DAB1: variants seen among roughly 807,000 people sequenced by gnomAD.
DAB1 encodes disabled homolog 1.
A neutral mutation model predicts 64.6 loss-of-function variants in DAB1; 15 were observed. The ratio of observed to expected loss-of-function variants is 0.23; its 90% confidence interval spans 0.16 to 0.36. The LOEUF (loss-of-function observed/expected upper bound fraction) is 0.36. Ranked by LOEUF, DAB1 falls within the 10% of genes least tolerant of loss-of-function variation. DAB1 has a pLI of 1.00. For missense variants in DAB1, 596 were observed against 706.7 expected (o/e 0.84, Z 1.78); for synonymous variants, 235 against 251.9 (o/e 0.93, Z 0.64).
At chr1:57,789,321 A>T (rs1569691384) in intron 6 of DAB1, among the ~76,000 whole-genome samples, 1 of 152,184 alleles carries the variant, frequency 6.6e-6, no homozygotes, top group South Asian at 2.1e-4. Context: ...GAATTGGGAG[A>T]GATGGTAGGA....
rs1449734991 is a variant in DAB1, at chr1:57,371,149, C to T, written c.-137+52781G>A. Among the ~76,000 whole-genome samples the T allele has an allele frequency of 2.0e-5, 3 of 152,236 alleles. No individual in the cohort carries two copies. The East Asian group carries it at 5.8e-4, about 29-fold the overall frequency. On this transcript the variant is annotated intron_variant, in intron 1 of 14. Coordinates refer to ENST00000371236, the MANE Select transcript of DAB1 (RefSeq NM_001365792.1). ...CCTGCTGAACCATAACATTCTCCTT[C>T]TCACTAGTGTGGATTCAGAAAGACC...
chr1:57,305,986 GA>G (rs1190372273), intron 1 of DAB1, among the ~76,000 whole-genome samples: 4 of 133,812 alleles, frequency 3.0e-5, no homozygotes, highest in Non-Finnish European at 6.0e-5. Context: ...AAAAAAAAAA[GA>G]AAAAAGAAAA....
intron 3 of DAB1, among the ~76,000 whole-genome samples, chr1:58,368,051 A>T (rs77542795): frequency 2.0e-5 from 3 of 152,212 alleles, no homozygotes; most frequent in African/African-American, 4.8e-5. Flanking sequence ...GGTCTGTGTC[A>T]CTATAACTAC....
intron 5 of DAB1, among the ~76,000 whole-genome samples, chr1:58,070,829 G>C (rs1023569643): frequency 2.6e-5 from 4 of 152,198 alleles, no homozygotes; most frequent in Non-Finnish European, 5.9e-5. Context: ...TGTGTGACCG[G>C]ATGAATGGAG....
intron 3 of DAB1, among the ~76,000 whole-genome samples, chr1:58,460,500 T>G (rs548996571): frequency 6.6e-6 from 1 of 152,246 alleles, no homozygotes; most frequent in Non-Finnish European, 1.5e-5. Context: ...CCTGAATTCC[T>G]GTCTCCCTTC....
At chr1:57,562,985 G>A (rs1014624447) in intron 7 of DAB1, among the ~76,000 whole-genome samples, 17 of 152,108 alleles carry the variant, frequency 1.1e-4, no homozygotes, top group African/African-American at 2.7e-4. Context: ...CCATTAGGGC[G>A]TCTCTTAGTA....
intron 7 of DAB1, among the ~76,000 whole-genome samples, chr1:57,637,006 T>C (rs950453215): frequency 3.3e-5 from 5 of 152,224 alleles, no homozygotes; most frequent in African/African-American, 1.2e-4. Flanking sequence ...AAGCTGTACA[T>C]AAATTAATTG....
chr1:57,784,803 AG>A (rs1650263340), intron 6 of DAB1, among the ~76,000 whole-genome samples: 1 of 152,216 alleles, frequency 6.6e-6, no homozygotes, highest in Non-Finnish European at 1.5e-5. Flanking sequence ...TGCAAGATGA[AG>A]GAGCAAGTTA....
At chr1:58,240,187 T>C (rs530694178) in intron 4 of DAB1, among the ~76,000 whole-genome samples, 6 of 152,302 alleles carry the variant, frequency 3.9e-5, no homozygotes, top group African/African-American at 9.6e-5. Context: ...TTCTGGCACA[T>C]AGCCATCCAG....
At chr1:58,096,731 G>C (rs1241797091) in intron 5 of DAB1, among the ~76,000 whole-genome samples, 1 of 152,226 alleles carries the variant, frequency 6.6e-6, no homozygotes, top group Non-Finnish European at 1.5e-5. Flanking sequence ...CCAATGCCTT[G>C]AGGGCAAAGA....
intron 7 of DAB1, chr1:57,070,789 A>G: frequency 3.7e-6 from 2 of 547,010 alleles, no homozygotes; most frequent in South Asian, 4.2e-5. Context: ...GCCGAGGCAG[A>G]GGCAAGAAGG....
intron 3 of DAB1, among the ~76,000 whole-genome samples, chr1:58,433,227 A>G (rs1644899067): frequency 6.6e-6 from 1 of 152,140 alleles, no homozygotes; most frequent in African/African-American, 2.4e-5. Flanking sequence ...TATCCCTCTT[A>G]ACAAAAAGCC....
chr1:57,719,588 C>T (rs559795160), intron 6 of DAB1, among the ~76,000 whole-genome samples: 3 of 152,324 alleles, frequency 2.0e-5, no homozygotes, highest in East Asian at 3.9e-4. Flanking sequence ...AGTGAGTTCT[C>T]ACGAGATCAA....
At chr1:57,036,668 C>T (rs982676138) in intron 9 of DAB1, among the ~76,000 whole-genome samples, 2 of 152,068 alleles carry the variant, frequency 1.3e-5, no homozygotes, top group African/African-American at 4.8e-5. Context: ...ATAGCATGTA[C>T]ACAGTTTTGT....
At chr1:58,016,548 A>T (rs1646742011) in intron 5 of DAB1, among the ~76,000 whole-genome samples, 1 of 152,078 alleles carries the variant, frequency 6.6e-6, no homozygotes, top group Non-Finnish European at 1.5e-5. Flanking sequence ...TTCAAACTCA[A>T]CATGTTCAAA....
At chr1:58,101,507 C>G (rs992951806) in intron 5 of DAB1, among the ~76,000 whole-genome samples, 14 of 151,960 alleles carry the variant, frequency 9.2e-5, no homozygotes, top group African/African-American at 3.4e-4. Flanking sequence ...ACGGGGCTAC[C>G]TGAATAGTGG....
chr1:57,916,708 C>T (rs1353901855), intron 5 of DAB1, among the ~76,000 whole-genome samples: 12 of 152,066 alleles, frequency 7.9e-5, no homozygotes, highest in South Asian at 4.1e-4. Flanking sequence ...GAGGCCAAGG[C>T]GAGTGGATCA....
chr1:57,998,286 T>C (rs540719936), intron 5 of DAB1, among the ~76,000 whole-genome samples: 10 of 152,298 alleles, frequency 6.6e-5, no homozygotes, highest in Non-Finnish European at 1.0e-4. Flanking sequence ...CCCTCAGCTG[T>C]AAGCTGGGAT....
intron 2 of DAB1, among the ~76,000 whole-genome samples, chr1:57,279,949 T>C (rs192258262): frequency 1.3e-5 from 2 of 152,288 alleles, no homozygotes; most frequent in East Asian, 3.9e-4. Context: ...CTAAAGGCAT[T>C]ACTATTGGAA....
Sources: allele counts gnomAD v4.1 joint callset (sites outside exome capture counted in the v4.1 genomes callset), GRCh38; gene constraint gnomAD v4.1.1; transcripts MANE v1.5; gene names NCBI Gene and HGNC (gene_info 2026-07-23, HGNC 2026-07-21).